The following WWP2 variants were observed in gnomAD, a reference collection of about 807,000 sequenced individuals.
WWP2 encodes the protein NEDD4-like E3 ubiquitin-protein ligase WWP2.
WWP2 carries 57 observed loss-of-function variants against 121.0 expected under a neutral mutation model. The ratio of observed to expected loss-of-function variants is 0.47; its 90% CI spans 0.38 to 0.59. The LOEUF (loss-of-function observed/expected upper bound fraction) is 0.59. Ranked by LOEUF, WWP2 falls within the 20% of genes least tolerant of loss-of-function variation. The pLI is 0.00. For synonymous variants in WWP2, 449 were observed against 441.3 expected (o/e 1.02, Z -0.22); for missense variants, 962 against 1,158.9 (o/e 0.83, Z 2.47).
At chr16:69,939,523 G>A (rs550155708) in intron 23 of WWP2, 110 bp downstream of exon 23, 90 of 1,160,596 alleles carry the variant, frequency 7.8e-5, no homozygotes, top group African/African-American at 4.9e-4. Flanking sequence ...CAGCTTTTGC[G>A]TGGCCCTGGG....
intron 4 of WWP2, among the ~76,000 whole-genome samples, chr16:69,825,410 C>T (rs1025560451): frequency 4.8e-5 from 7 of 145,314 alleles, no homozygotes; most frequent in African/African-American, 5.0e-5. Context: ...GGCAACAGAG[C>T]GAGATTCCAT....
intron 8 of WWP2, among the ~76,000 whole-genome samples, chr16:69,904,864 T>A (rs1403647341): frequency 6.6e-6 from 1 of 152,222 alleles, no homozygotes; most frequent in African/African-American, 2.4e-5. Context: ...TATTTAATGG[T>A]GTTTGTCATG....
intron 4 of WWP2, among the ~76,000 whole-genome samples, chr16:69,837,643 G>A (rs1455756922): frequency 2.6e-5 from 4 of 151,968 alleles, no homozygotes; most frequent in African/African-American, 7.2e-5. Flanking sequence ...AGTCCTCCAG[G>A]AAGGAGGAAA....
Position 69,917,833 on chromosome 16 carries a change from A to G in WWP2, c.1129A>G (p.Asn377Asp). ...CTATGAGCAGTGGCAGTCGCAGCGG[A>G]ATCAGCTCCAGGGGGCCATGCAGCA... Reference protein sequence around the residue: ...RNYEQWQSQRNQLQGAMQHFS... With the variant: ...RNYEQWQSQRDQLQGAMQHFS... Residue 377 changes from asparagine (N) to aspartate (D), a missense_variant, in exon 10 of 24, where the codon AAT becomes GAT. Transcript: ENST00000359154. 6.2e-7 allele frequency: 1 copy of G among 1,614,002 alleles called. No homozygotes were observed. Among genetic ancestry groups the G allele is most frequent in the African/African-American group, 1.3e-5 (1 of 75,072 alleles).
intron 6 of WWP2, among the ~76,000 whole-genome samples, chr16:69,861,578 C>G (rs879861713): frequency 1.3e-5 from 2 of 151,682 alleles, no homozygotes; most frequent in Admixed American, 1.3e-4. Flanking sequence ...TTGCAGTGAC[C>G]AGAAGGGGCC....
At chr16:69,876,694 GA>G (rs2057741951) in intron 7 of WWP2, among the ~76,000 whole-genome samples, 1 of 152,144 alleles carries the variant, frequency 6.6e-6, no homozygotes, top group Non-Finnish European at 1.5e-5. Context: ...AGTAAGACTT[GA>G]AAGGCAAGAT....
intron 4 of WWP2, among the ~76,000 whole-genome samples, chr16:69,809,569 C>G (rs1264269094): frequency 1.3e-5 from 2 of 152,042 alleles, no homozygotes; most frequent in African/African-American, 2.4e-5. Context: ...GAGTTCGAGA[C>G]CAGCCTGACC....
At chr16:69,869,489 G>A (rs2057591818) in intron 6 of WWP2, among the ~76,000 whole-genome samples, 1 of 151,602 alleles carries the variant, frequency 6.6e-6, no homozygotes, top group South Asian at 2.1e-4. Context: ...GACCACAGGG[G>A]CACGCCACCA....
chr16:69,893,777 C>G (rs1237366795), intron 8 of WWP2, among the ~76,000 whole-genome samples: 1 of 152,174 alleles, frequency 6.6e-6, no homozygotes, highest in East Asian at 1.9e-4. Context: ...CGCCTGACCT[C>G]AAGTGATCCA....
chr16:69,909,577 A>G, intron 9 of WWP2: 1 of 985,428 alleles, frequency 1.0e-6, no homozygotes, highest in Non-Finnish European at 1.2e-6. Context: ...AGAATGCTTG[A>G]GTTTTCCTTT....
At chr16:69,834,444 T>C (rs1051305058) in intron 4 of WWP2, among the ~76,000 whole-genome samples, 4 of 152,088 alleles carry the variant, frequency 2.6e-5, no homozygotes, top group African/African-American at 9.7e-5. Flanking sequence ...AGCTTAACAT[T>C]CTTCATCCCC....
Position 69,925,595 on chromosome 16 carries a change from T to G in WWP2, c.1234+111T>G. ...TTCCTGTCCCTCTGTTTTCCATCTC[T>G]CCCCTCTCCAGCACACTCTCTGGGC... On this transcript the variant is annotated intron_variant, in intron 11 of 23. Coordinates refer to ENST00000359154, the MANE Select transcript of WWP2 (RefSeq NM_001270454.2). The surrounding 1 kb of genome is among the most constrained non-coding windows in gnomAD (Gnocchi z 4.0). 1 of 1,379,088 alleles carries G rather than the reference T, an allele frequency of 7.3e-7. No homozygotes were observed. The highest frequency in any genetic ancestry group is 9.9e-7 in the Non-Finnish European group (1 of 1,011,980). 85.4% of individuals were successfully genotyped at this position (1,379,088 alleles called of 1,614,324 possible).
chr16:69,795,682 G>A (rs999658946), intron 2 of WWP2, among the ~76,000 whole-genome samples: 2 of 98,222 alleles, frequency 2.0e-5, no homozygotes, highest in African/African-American at 9.7e-5. Flanking sequence ...TTTTGTGAGA[G>A]TCTCTCTCCA....
At position 69,799,319 on chromosome 16, in the gene WWP2, G is replaced by A. The variant is rs778712560; in HGVS notation, c.340+24G>A. The A allele has an allele frequency of 7.5e-6, 12 of 1,606,606 alleles. No individual in the cohort carries two copies. Among genetic ancestry groups the A allele is most frequent in the South Asian group, 6.7e-5 (6 of 90,020 alleles). Reference sequence around the variant, plus strand: ...AAGTACGTATGATGAAGGGGGTGCCGACGTGATTCTTGGGTGGGGATGGGA... The same window carrying A: ...AAGTACGTATGATGAAGGGGGTGCCAACGTGATTCTTGGGTGGGGATGGGA... On this transcript the variant is annotated intron_variant, in intron 4 of 23. Transcript: ENST00000359154. This position sits in a 1 kb window ranked among gnomAD's most constrained non-coding sequence, Gnocchi z 4.5.
At chr16:69,912,571 G>A (rs187363538) in intron 9 of WWP2, among the ~76,000 whole-genome samples, 1 of 151,724 alleles carries the variant, frequency 6.6e-6, no homozygotes, top group African/African-American at 2.4e-5. Flanking sequence ...GGGTAGTTTT[G>A]TTTGTTTGTT....
chr16:69,764,007 C>T (rs2038674094), intron 1 of WWP2, among the ~76,000 whole-genome samples: 2 of 152,108 alleles, frequency 1.3e-5, no homozygotes, highest in African/African-American at 2.4e-5. Context: ...TTACAAAGAG[C>T]GTATACCAAC....
In WWP2 at chr16:69,828,796, T is replaced by C. The variant is rs184975094; in HGVS notation, c.341-11330T>C. Among the ~76,000 whole-genome samples the C allele has an allele frequency of 1.5e-3, 222 of 152,374 alleles. 1 individual carries two copies. Among genetic ancestry groups the C allele is most frequent in the Admixed American group, 0.011 (171 of 15,304 alleles). On this transcript the variant is annotated intron_variant, in intron 4 of 23. Transcript: ENST00000359154. Reference sequence around the variant, plus strand: ...TTAACTGTTAAATATGGGAGTTTCCTATTATTCCATCCTCTTCTTCCATGA... The same window carrying C: ...TTAACTGTTAAATATGGGAGTTTCCCATTATTCCATCCTCTTCTTCCATGA...
rs1259540550 is a variant in WWP2, at chr16:69,838,750, G to A, written c.341-1376G>A. ...ACTACAAGTGTTATTTTATAGAAAC[G>A]TTTAGTACTCACCAAGGCCCTCAGT... On this transcript the variant is annotated intron_variant, in intron 4 of 23. Coordinates refer to ENST00000359154, the MANE Select transcript of WWP2 (RefSeq NM_001270454.2). 19 of 985,264 alleles carry A rather than the reference G, an allele frequency of 1.9e-5. No individual in the cohort carries two copies. The South Asian group carries it at 5.6e-4, about 29-fold the overall frequency. The allele number at this position is 985,264 out of a possible 1,614,324, so 61.0% of individuals were successfully genotyped here. A position where few individuals can be genotyped will look rare whatever the true frequency, so the allele number is the denominator to read the frequency against.
chr16:69,783,464 A>T (rs1208319564), intron 1 of WWP2, among the ~76,000 whole-genome samples: 1 of 152,070 alleles, frequency 6.6e-6, no homozygotes, highest in Non-Finnish European at 1.5e-5. Flanking sequence ...TGAGTGCAGA[A>T]GTTCGAGGCT....
Sources: allele counts gnomAD v4.1 joint callset (sites outside exome capture counted in the v4.1 genomes callset), GRCh38; gene constraint gnomAD v4.1.1; non-coding constraint Gnocchi (gnomAD v3.1); transcripts MANE v1.5; gene names NCBI Gene and HGNC (gene_info 2026-07-23, HGNC 2026-07-21).